The following FUNDC1 variants were observed in gnomAD, a reference collection of about 807,000 sequenced individuals.
FUNDC1 encodes the protein FUN14 domain containing 1, also known as FUN14 domain-containing protein 1.
FUNDC1 carries 10 observed loss-of-function variants against 14.5 expected under a neutral mutation model. The ratio of observed to expected loss-of-function variants is 0.69; its 90% CI spans 0.43 to 1.17. The LOEUF (loss-of-function observed/expected upper bound fraction) is 1.17, where lower values mean the gene tolerates loss of function less well. FUNDC1 is among the 50% of genes most tolerant of loss of function. The probability of loss-of-function intolerance (pLI) is 0.00; values close to 1 mark genes in which losing one functional copy is unlikely to be tolerated. For synonymous variants in FUNDC1, 33 were observed against 39.7 expected (o/e 0.83, Z 0.64); for missense variants, 115 against 113.8 (o/e 1.01, Z -0.05).
intron 2 of FUNDC1, among the ~76,000 whole-genome samples, chrX:44,541,736 G>A (rs2038972768): frequency 9.0e-6 from 1 of 110,975 alleles, no homozygotes; most frequent in African/African-American, 3.3e-5. Context: ...GGGAGAAGAG[G>A]AACAGTGGTG....
At chrX:44,531,199 C>T (rs1443087980) in intron 3 of FUNDC1, among the ~76,000 whole-genome samples, 2 of 106,796 alleles carry the variant, frequency 1.9e-5, no homozygotes, top group African/African-American at 6.8e-5. Context: ...CCCATGGTCA[C>T]GCCACTGCAC....
At chrX:44,527,116 A>T in intron 4 of FUNDC1, 121 bp downstream of exon 4, 8 of 479,721 alleles carry the variant, frequency 1.7e-5, no homozygotes, top group Non-Finnish European at 2.6e-5. Flanking sequence ...TAGATATATA[A>T]CCAAAAACAC....
At chrX:44,531,298 A>AC (rs1569187093) in intron 3 of FUNDC1, among the ~76,000 whole-genome samples, 1 of 38,117 alleles carries the variant, frequency 2.6e-5, no homozygotes, top group African/African-American at 5.5e-4. Context: ...CTTTCAGATG[A>AC]AGATTCATGT....
intron 2 of FUNDC1, among the ~76,000 whole-genome samples, chrX:44,539,516 A>C (rs182706918): frequency 2.4e-4 from 27 of 111,532 alleles, no homozygotes; most frequent in African/African-American, 8.5e-4. Flanking sequence ...AGGAATGACA[A>C]GGATTGCTGG....
In FUNDC1 at chrX:44,524,023, G is replaced by GCTGTAA; in HGVS notation, c.*174_*175insTTACAG. ...ATACCATATAGGTTGTTTTACAGCA[G>GCTGTAA]ATACTAGTTTGCCAAGCTTCAGATG... On this transcript the variant is annotated 3_prime_UTR_variant, in exon 5 of 5. Coordinates refer to ENST00000378045, the MANE Select transcript of FUNDC1 (RefSeq NM_173794.4). 2.3e-6 allele frequency: 1 copy of GCTGTAA among 438,395 alleles called. No homozygotes were observed. Among genetic ancestry groups the GCTGTAA allele is most frequent in the Admixed American group, 4.1e-5 (1 of 24,445 alleles). 36.1% of individuals were successfully genotyped at this position (438,395 alleles called of 1,213,427 possible). A position where few individuals can be genotyped will look rare whatever the true frequency, so the allele number is the denominator to read the frequency against.
At chrX:44,529,882 T>C (rs777903732) in intron 3 of FUNDC1, among the ~76,000 whole-genome samples, 1 of 112,514 alleles carries the variant, frequency 8.9e-6, no homozygotes, top group Non-Finnish European at 1.9e-5. Flanking sequence ...TCTCACTATG[T>C]TGCCCAGGCT....
chrX:44,542,607 G>T (rs2038976991), intron 1 of FUNDC1, among the ~76,000 whole-genome samples, 198 bp downstream of exon 1: 1 of 110,091 alleles, frequency 9.1e-6, no homozygotes, highest in African/African-American at 3.3e-5. Flanking sequence ...TGTGCTGGGG[G>T]TGGGGGTGGC....
At chrX:44,538,768 AGAG>A (rs950839530) in intron 2 of FUNDC1, among the ~76,000 whole-genome samples, 13 of 111,713 alleles carry the variant, frequency 1.2e-4, no homozygotes, top group African/African-American at 3.3e-4. Flanking sequence ...GACGGAGAGA[AGAG>A]GAGGAGAATT....
intron 2 of FUNDC1, among the ~76,000 whole-genome samples, chrX:44,539,980 A>G (rs933166120): frequency 9.0e-6 from 1 of 110,759 alleles, no homozygotes; most frequent in African/African-American, 3.3e-5. Context: ...ACAGTTCTAT[A>G]TATTTTATCT....
At chrX:44,528,789 C>T (rs1363625784) in intron 3 of FUNDC1, among the ~76,000 whole-genome samples, 3 of 112,493 alleles carry the variant, frequency 2.7e-5, no homozygotes, top group Admixed American at 1.9e-4. Flanking sequence ...CTCCGCCTCC[C>T]GGGTTTATGC....
chrX:44,542,255 C>T (rs1225234308), intron 1 of FUNDC1, 154 bp from the exon 2 acceptor site: 1 of 451,708 alleles, frequency 2.2e-6, no homozygotes, highest in East Asian at 3.9e-5. Context: ...TAACTCAATT[C>T]TTGAGACCAG....
At chrX:44,531,139 G>A (rs1020073695) in intron 3 of FUNDC1, among the ~76,000 whole-genome samples, 2 of 107,324 alleles carry the variant, frequency 1.9e-5, no homozygotes, top group African/African-American at 6.8e-5. Context: ...CTACTTGAGA[G>A]GCTGAAGTGG....
chrX:44,531,000 G>C (rs2038920066), intron 3 of FUNDC1, among the ~76,000 whole-genome samples: 1 of 110,319 alleles, frequency 9.1e-6, no homozygotes, highest in South Asian at 3.9e-4. Context: ...CCAACACTTT[G>C]GGAGGGTGAA....
At chrX:44,527,049 A>C (rs903270194) in intron 4 of FUNDC1, among the ~76,000 whole-genome samples, 188 bp downstream of exon 4, 3 of 109,515 alleles carry the variant, frequency 2.7e-5, no homozygotes, top group Non-Finnish European at 5.7e-5. Context: ...CCACCAAAAA[A>C]AAAAAAATAA....
chrX:44,529,041 C>T (rs753717148), intron 3 of FUNDC1, among the ~76,000 whole-genome samples: 2 of 112,032 alleles, frequency 1.8e-5, no homozygotes, highest in South Asian at 7.4e-4. Context: ...ACTCCCAATT[C>T]AACTGTCATT....
intron 3 of FUNDC1, among the ~76,000 whole-genome samples, chrX:44,529,387 TTG>T (rs1364489983): frequency 9.0e-6 from 1 of 111,286 alleles, no homozygotes; most frequent in Non-Finnish European, 1.9e-5. Flanking sequence ...TGTCAAACAG[TTG>T]CAAGGAAAAT....
intron 3 of FUNDC1, among the ~76,000 whole-genome samples, chrX:44,529,612 C>A (rs1182485134): frequency 2.7e-5 from 3 of 111,173 alleles, no homozygotes; most frequent in Non-Finnish European, 5.7e-5. Flanking sequence ...ATAACAAAGA[C>A]AATGAATAAA....
At chrX:44,533,680 T>C (rs758257177) in intron 3 of FUNDC1, among the ~76,000 whole-genome samples, 1 of 91,715 alleles carries the variant, frequency 1.1e-5, no homozygotes, top group South Asian at 5.1e-4. Flanking sequence ...AAAAATAGTA[T>C]CCAAGTATTA....
chrX:44,524,071 G>C lies in FUNDC1; in HGVS notation c.*127C>G. On this transcript the variant is annotated 3_prime_UTR_variant, in exon 5 of 5. Coordinates refer to ENST00000378045, the MANE Select transcript of FUNDC1 (RefSeq NM_173794.4). ...ATGGCAAAATGCTAAGTTGTGAATT[G>C]AGTATTGTCCAGCTAGTTGTTTCTC... 2.1e-6 allele frequency: 1 copy of C among 487,385 alleles called. No individual in the cohort carries two copies. The highest frequency in any genetic ancestry group is 3.2e-5 in the South Asian group (1 of 30,811). The allele number at this position is 487,385 out of a possible 1,213,427, so 40.2% of individuals were successfully genotyped here.
Sources: gnomAD v4.1 joint callset for allele counts (sites outside exome capture counted in the v4.1 genomes callset) on GRCh38, gnomAD v4.1.1 for gene constraint, MANE v1.5 for transcripts, NCBI Gene and HGNC (gene_info 2026-07-23, HGNC 2026-07-21) for gene names.